The following BAIAP2L2 variants were observed in gnomAD, a reference collection of about 807,000 sequenced individuals.
BAIAP2L2 encodes the protein BAR/IMD domain-containing adapter protein 2-like 2.
BAIAP2L2 carries 65 observed loss-of-function variants against 60.4 expected under a neutral mutation model. The observed-to-expected ratio is 1.08, with a 90% CI of 0.88 to 1.32. The LOEUF is 1.32. Among genes scored for constraint, BAIAP2L2 ranks in the 40% most tolerant of loss-of-function variants. BAIAP2L2 has a pLI of 0.00. For synonymous variants in BAIAP2L2, 344 were observed against 301.7 expected (o/e 1.14, Z -1.45); for missense variants, 836 against 741.2 (o/e 1.13, Z -1.48).
At chr22:38,106,348 G>A (rs1050815280) in intron 4 of BAIAP2L2, among the ~76,000 whole-genome samples, 4 of 151,748 alleles carry the variant, frequency 2.6e-5, no homozygotes, top group Non-Finnish European at 2.9e-5. Flanking sequence ...GTGAAACCCC[G>A]TCTCTGCAAA....
At chr22:38,100,391 T>A (rs939742441) in intron 4 of BAIAP2L2, among the ~76,000 whole-genome samples, 1 of 152,016 alleles carries the variant, frequency 6.6e-6, no homozygotes, top group African/African-American at 2.4e-5. Flanking sequence ...CTGGGCCTGG[T>A]GGCGGCTGCC....
intron 7 of BAIAP2L2, among the ~76,000 whole-genome samples, chr22:38,093,341 A>G (rs1242144138): frequency 1.3e-5 from 2 of 152,188 alleles, no homozygotes; most frequent in Non-Finnish European, 2.9e-5. Flanking sequence ...CCAAATAAAC[A>G]TCTTTTAAAA....
intron 7 of BAIAP2L2, chr22:38,091,045 G>C (rs890336714): frequency 6.6e-6 from 1 of 152,224 alleles, no homozygotes; most frequent in Non-Finnish European, 1.5e-5. Flanking sequence ...GAGAGCATTA[G>C]GTTCTGCATA....
At chr22:38,105,800 T>C (rs547384879) in intron 4 of BAIAP2L2, among the ~76,000 whole-genome samples, 1 of 152,350 alleles carries the variant, frequency 6.6e-6, no homozygotes, top group African/African-American at 2.4e-5. Context: ...CTCTTTGGCA[T>C]GGCAGGGGTT....
At position 38,108,337 on chromosome 22, in the gene BAIAP2L2, C is replaced by T. The variant is rs1170336090; in HGVS notation, c.132G>A (p.Leu44=). 9.3e-6 allele frequency: 15 copies of T among 1,612,150 alleles called. No individual in the cohort carries two copies. The highest frequency in any genetic ancestry group is 1.3e-5 in the Non-Finnish European group (15 of 1,179,664). Residue 44 remains leucine, a synonymous_variant, in exon 3 of 14, where the codon CTG becomes CTA. Transcript: ENST00000381669. ...GNNYLRAFHA[L]SEAAEVYFSA... ...TGAAGTAGACCTCGGCCGCCTCGGACAGAGCTGTGGACCAGAAGGGACAGG... is the reference window on the plus strand; with the variant it reads ...TGAAGTAGACCTCGGCCGCCTCGGATAGAGCTGTGGACCAGAAGGGACAGG...
At chr22:38,099,318 G>A (rs1478987252) in intron 4 of BAIAP2L2, among the ~76,000 whole-genome samples, 1 of 152,138 alleles carries the variant, frequency 6.6e-6, no homozygotes, top group African/African-American at 2.4e-5. Context: ...TGGATCACCT[G>A]AGGCCAGGAG....
In BAIAP2L2 at chr22:38,087,135, C is replaced by T; in HGVS notation, c.1248G>A (p.Glu416=). 1 of 1,520,136 alleles carries T rather than the reference C, an allele frequency of 6.6e-7. No homozygotes were observed. Among genetic ancestry groups the T allele is most frequent in the Non-Finnish European group, 8.9e-7 (1 of 1,128,160 alleles). The allele number at this position is 1,520,136 out of a possible 1,614,324, so 94.2% of individuals were successfully genotyped here. A position where few individuals can be genotyped will look rare whatever the true frequency, so the allele number is the denominator to read the frequency against. ...GATGACTCAGGTACCTGGAAGGCAG[C>T]TCGTTCCCGGGGTTCATGGGTGTCA... ...SPMTPMNPGN[E]LPSRSYPLRG... Residue 416 remains glutamate (E), a synonymous_variant, in exon 11 of 14, where the codon GAG becomes GAA. Transcript: ENST00000381669.
Position 38,098,127 on chromosome 22 carries a change from T to C in BAIAP2L2, c.401A>G (p.Glu134Gly). 2 of 1,612,256 alleles carry C rather than the reference T, an allele frequency of 1.2e-6. No individual in the cohort carries two copies. Among genetic ancestry groups the C allele is most frequent in the Non-Finnish European group, 8.5e-7 (1 of 1,178,944 alleles). ...LEYRHRAANL[E>G]KCMSELWRME... ...GCGCCACAGCTCAGACATGCACTTCTCCAGGTTGGCCGCTCGGTGGCGGTA... is the reference window on the plus strand; with the variant it reads ...GCGCCACAGCTCAGACATGCACTTCCCCAGGTTGGCCGCTCGGTGGCGGTA... Residue 134 changes from glutamate to glycine, a missense_variant, in exon 6 of 14, where the codon GAG (glutamate) becomes GGG (glycine). Physicochemically the swap from Glu to Gly is moderately conservative, Grantham distance 98. Coordinates refer to ENST00000381669, the MANE Select transcript of BAIAP2L2 (RefSeq NM_025045.6).
At chr22:38,102,141 T>C (rs1021501011) in intron 4 of BAIAP2L2, among the ~76,000 whole-genome samples, 3 of 151,944 alleles carry the variant, frequency 2.0e-5, no homozygotes, top group Admixed American at 6.6e-5. Flanking sequence ...TCCAAGGAGT[T>C]TGTGAGTCCA....
intron 4 of BAIAP2L2, among the ~76,000 whole-genome samples, chr22:38,099,169 C>A (rs2086512659): frequency 6.6e-6 from 1 of 152,190 alleles, no homozygotes; most frequent in African/African-American, 2.4e-5. Flanking sequence ...AGTTCTGCCT[C>A]CTATTTGCTT....
intron 4 of BAIAP2L2, 152 bp from the exon 5 acceptor site, chr22:38,098,634 C>A: frequency 1.7e-6 from 1 of 595,828 alleles, no homozygotes; most frequent in Non-Finnish European, 3.0e-6. Context: ...GACAAGAACA[C>A]CACCTGGCTG....
Position 38,087,173 on chromosome 22 carries a change from AGGTCATGGAGGTCATGGG to A in BAIAP2L2, c.1192_1209del (p.Pro398_Thr403del), listed in dbSNP as rs751377177. On this transcript the variant is annotated inframe_deletion, in exon 11 of 14. Coordinates refer to ENST00000381669, the MANE Select transcript of BAIAP2L2 (RefSeq NM_025045.6). ...TTCATGGGTGTCATGGGGGACATGG[AGGTCATGGAGGTCATGGG>A]GGTCACGGGGGTCATGGGATTCACG... 7.2e-5 allele frequency: 73 copies of A among 1,016,354 alleles called. No homozygotes were observed. The highest frequency in any genetic ancestry group is 2.4e-4 in the Middle Eastern group (1 of 4,130). The allele number at this position is 1,016,354 out of a possible 1,614,324, so 63.0% of individuals were successfully genotyped here.
At chr22:38,104,711 T>C (rs190145177) in intron 4 of BAIAP2L2, among the ~76,000 whole-genome samples, 1 of 152,278 alleles carries the variant, frequency 6.6e-6, no homozygotes, top group Non-Finnish European at 1.5e-5. Context: ...TTAGCCAGGA[T>C]GGTCTTGATT....
chr22:38,089,283 G>GGGGGCC, intron 8 of BAIAP2L2, 52 bp from the exon 9 acceptor site: 2 of 145,676 alleles, frequency 1.4e-5, no homozygotes, highest in East Asian at 1.7e-4. Context: ...GGGGGGCGGG[G>GGGGGCC]CCGCGCCCTA....
In BAIAP2L2 at chr22:38,094,834, G is replaced by GTGGGAGGCA. The variant is rs1473644842; in HGVS notation, c.612+2197_612+2198insTGCCTCCCA. 1.5e-4 allele frequency among the ~76,000 whole-genome samples: 23 copies of GTGGGAGGCA among 151,998 alleles called. No individual in the cohort carries two copies. In the East Asian group the frequency reaches 4.1e-3, roughly 27 times the overall value. ...GAGACTCGGGGAGGGCGTGGGAGGC[G>GTGGGAGGCA]TGGGAGGCGTGGGAGGGATAAGAAC... On this transcript the variant is annotated intron_variant, in intron 7 of 13. Coordinates refer to ENST00000381669, the MANE Select transcript of BAIAP2L2 (RefSeq NM_025045.6).
At chr22:38,110,784 G>A (rs1156392273), upstream of BAIAP2L2, 2 of 505,478 alleles carry the variant, frequency 4.0e-6, no homozygotes, top group Non-Finnish European at 7.0e-6. Context: ...CGTGTGACCT[G>A]CCCTTCAATT....
At position 38,088,672 on chromosome 22, in the gene BAIAP2L2, C is replaced by T. The variant is rs1049308569; in HGVS notation, c.1118+76G>A. On this transcript the variant is annotated intron_variant, in intron 10 of 13. Transcript: ENST00000381669. ...GGGGGAGGCCAGGGAAACCTCAGTC[C>T]GGCAGGTCCCCGGGTTCCCGGCCCC... The T allele has an allele frequency of 4.5e-5, 64 of 1,430,072 alleles. No homozygotes were observed. In the East Asian group the frequency reaches 1.5e-3, roughly 34 times the overall value. The allele number at this position is 1,430,072 out of a possible 1,614,324, so 88.6% of individuals were successfully genotyped here.
chr22:38,087,167 A>ACATGGAGGTCATGGAGGTCATGGAGGT lies in BAIAP2L2; in HGVS notation c.1215_1216insACCTCCATGACCTCCATGACCTCCATG (p.Met405_Ser406insThrSerMetThrSerMetThrSerMet), dbSNP rs200930717. 2.0e-5 allele frequency: 19 copies of ACATGGAGGTCATGGAGGTCATGGAGGT among 973,372 alleles called. No homozygotes were observed. The highest frequency in any genetic ancestry group is 1.4e-4 in the East Asian group (5 of 36,386). 60.3% of individuals were successfully genotyped at this position (973,372 alleles called of 1,614,324 possible). On this transcript the variant is annotated inframe_insertion, in exon 11 of 14. Coordinates refer to ENST00000381669, the MANE Select transcript of BAIAP2L2 (RefSeq NM_025045.6). ...CCGGGGTTCATGGGTGTCATGGGGGACATGGAGGTCATGGAGGTCATGGGG... is the reference window on the plus strand; with the variant it reads ...CCGGGGTTCATGGGTGTCATGGGGGACATGGAGGTCATGGAGGTCATGGAGGTCATGGAGGTCATGGAGGTCATGGGG...
At position 38,098,492 on chromosome 22, in the gene BAIAP2L2, G is replaced by A; in HGVS notation, c.277-10C>T. ...CATGGAATGTCTGCACCTGAGCGGAGTGCAGGGTGAGGGTGATCAAGGCCC... is the reference window on the plus strand; with the variant it reads ...CATGGAATGTCTGCACCTGAGCGGAATGCAGGGTGAGGGTGATCAAGGCCC... On this transcript the variant is annotated splice_polypyrimidine_tract_variant and intron_variant, in intron 4 of 13. Coordinates refer to ENST00000381669, the MANE Select transcript of BAIAP2L2 (RefSeq NM_025045.6). The A allele has an allele frequency of 6.2e-7, 1 of 1,612,374 alleles. No homozygotes were observed. Among genetic ancestry groups the A allele is most frequent in the Non-Finnish European group, 8.5e-7 (1 of 1,178,774 alleles).
Sources: gnomAD v4.1 joint callset for allele counts (sites outside exome capture counted in the v4.1 genomes callset) on GRCh38, gnomAD v4.1.1 for gene constraint, MANE v1.5 for transcripts, NCBI Gene and HGNC (gene_info 2026-07-23, HGNC 2026-07-21) for gene names.